Variants in ARFGAP1 observed in about 807,000 individuals in gnomAD.
The protein encoded by ARFGAP1 is ADP-ribosylation factor GTPase-activating protein 1.
In ARFGAP1, 26 loss-of-function variants were observed where a neutral mutation model predicts 54.0. The observed-to-expected ratio is 0.48, with a 90% CI of 0.35 to 0.67. The LOEUF is 0.67. Ranked by LOEUF, ARFGAP1 falls within the 30% of genes least tolerant of loss-of-function variation. ARFGAP1 has a pLI of 0.00. For missense variants in ARFGAP1, 525 were observed against 535.8 expected (o/e 0.98, Z 0.20); for synonymous variants, 248 against 211.9 (o/e 1.17, Z -1.48).
At position 63,286,533 on chromosome 20, in the gene ARFGAP1, G is replaced by A. The variant is rs1230340870; in HGVS notation, c.911+91G>A. The A allele has an allele frequency of 3.8e-6, 5 of 1,320,568 alleles. No homozygotes were observed. The Admixed American group carries it at 1.0e-4, about 27-fold the overall frequency. The allele number at this position is 1,320,568 out of a possible 1,614,324, so 81.8% of individuals were successfully genotyped here. A position where few individuals can be genotyped will look rare whatever the true frequency, so the allele number is the denominator to read the frequency against. On this transcript the variant is annotated intron_variant, in intron 12 of 12. Coordinates refer to ENST00000370283, the MANE Select transcript of ARFGAP1 (RefSeq NM_018209.4). Reference sequence around the variant, plus strand: ...TCTCCAGGAGGTGGCTGGCATCCTTGCTGGGGAGGGAAGGGGCACTGTGGA... The same window carrying A: ...TCTCCAGGAGGTGGCTGGCATCCTTACTGGGGAGGGAAGGGGCACTGTGGA...
At position 63,286,346 on chromosome 20, in the gene ARFGAP1, C is replaced by T; in HGVS notation, c.835-20C>T. ...TGCCGCGACAGGGCCTGCCTAACCTCTCTTCCCGTCTCCTTCCAGGTCCAG... is the reference window on the plus strand; with the variant it reads ...TGCCGCGACAGGGCCTGCCTAACCTTTCTTCCCGTCTCCTTCCAGGTCCAG... On this transcript the variant is annotated intron_variant, in intron 11 of 12. Coordinates refer to ENST00000370283, the MANE Select transcript of ARFGAP1 (RefSeq NM_018209.4). 2 of 1,612,758 alleles carry T rather than the reference C, an allele frequency of 1.2e-6. No homozygotes were observed. The highest frequency in any genetic ancestry group is 1.7e-6 in the Non-Finnish European group (2 of 1,179,658).
Position 63,276,936 on chromosome 20 carries a change from G to A in ARFGAP1, c.343-269G>A, listed in dbSNP as rs949488733. 2.6e-5 allele frequency among the ~76,000 whole-genome samples: 4 copies of A among 152,194 alleles called. No individual in the cohort carries two copies. The East Asian group carries it at 7.7e-4, about 29-fold the overall frequency. On this transcript the variant is annotated intron_variant, in intron 4 of 12. Coordinates refer to ENST00000370283, the MANE Select transcript of ARFGAP1 (RefSeq NM_018209.4). This position sits in a 1 kb window ranked among gnomAD's most constrained non-coding sequence, Gnocchi z 5.2. Reference sequence around the variant, plus strand: ...TGGGCACAGTGTTTCTAAGAAGTCTGGAGGCCAAATAGGTGGGTCCCCCTG... The same window carrying A: ...TGGGCACAGTGTTTCTAAGAAGTCTAGAGGCCAAATAGGTGGGTCCCCCTG...
rs749487852 is a variant in ARFGAP1, at chr20:63,276,444, G to T, written c.171-36G>T. The T allele has an allele frequency of 3.1e-6, 5 of 1,588,122 alleles. No homozygotes were observed. The highest frequency in any genetic ancestry group is 4.3e-6 in the Non-Finnish European group (5 of 1,165,152). On this transcript the variant is annotated intron_variant, in intron 3 of 12. Coordinates refer to ENST00000370283, the MANE Select transcript of ARFGAP1 (RefSeq NM_018209.4). The surrounding 1 kb of genome is among the most constrained non-coding windows in gnomAD (Gnocchi z 5.2). Reference sequence around the variant, plus strand: ...GTGGAGGGTGTCCCTGGGTGTCCCCGGTGCTGGTTGATCTGCTCGATCCTC... The same window carrying T: ...GTGGAGGGTGTCCCTGGGTGTCCCCTGTGCTGGTTGATCTGCTCGATCCTC...
At chr20:63,278,588 C>G (rs1401150312) in intron 6 of ARFGAP1, 3 of 484,532 alleles carry the variant, frequency 6.2e-6, no homozygotes, top group Non-Finnish European at 1.1e-5. Flanking sequence ...TGCGTGGAAT[C>G]TGCTGGACCT....
rs2067229541 is a variant in ARFGAP1, at chr20:63,276,102, G to A, written c.72G>A (p.Glu24=). 2 of 1,614,046 alleles carry A rather than the reference G, an allele frequency of 1.2e-6. No individual in the cohort carries two copies. The highest frequency in any genetic ancestry group is 1.7e-6 in the Non-Finnish European group (2 of 1,180,026). ...RVQDENNVCF[E]CGAFNPQWVS... is the part of the protein sequence containing the mutation. ...TGGCCCCTTTGCAGGTTTGTTTTGA[G>A]TGTGGCGCGTTCAATCCTCAGTGGG... is the stretch of plus-strand genomic sequence containing the variant. Residue 24 remains glutamate, a synonymous_variant, in exon 3 of 13, where the codon GAG becomes GAA. Transcript: ENST00000370283. This position sits in a 1 kb window ranked among gnomAD's most constrained non-coding sequence, Gnocchi z 5.2.
At chr20:63,282,577 T>TGTGC (rs2067412863) in intron 8 of ARFGAP1, among the ~76,000 whole-genome samples, 2 of 152,210 alleles carry the variant, frequency 1.3e-5, no homozygotes. Flanking sequence ...GCTGCTCACG[T>TGTGC]GTGCCCTCAC....
chr20:63,282,519 C>T (rs902123173), intron 8 of ARFGAP1, among the ~76,000 whole-genome samples: 4 of 152,262 alleles, frequency 2.6e-5, no homozygotes, highest in African/African-American at 9.6e-5. Flanking sequence ...CGGCCCTGTC[C>T]TGAAGTCTGG....
At position 63,282,857 on chromosome 20, in the gene ARFGAP1, AGAG is replaced by A. The variant is rs756204171; in HGVS notation, c.717+10_717+12del. On this transcript the variant is annotated splice_region_variant and intron_variant, in intron 9 of 12. Transcript: ENST00000370283. ...GATCCCAAGCGAGTCAGAAGGTAACAGAGGAGAAGCTTCTGCACCCTGGTGCAT... is the reference window on the plus strand; with the variant it reads ...GATCCCAAGCGAGTCAGAAGGTAACAGAGAAGCTTCTGCACCCTGGTGCAT... 6 of 1,613,930 alleles carry A rather than the reference AGAG, an allele frequency of 3.7e-6. No individual in the cohort carries two copies. Among genetic ancestry groups the A allele is most frequent in the Non-Finnish European group, 4.2e-6 (5 of 1,180,004 alleles).
chr20:63,285,964 T>C, intron 11 of ARFGAP1: 1 of 1,508,602 alleles, frequency 6.6e-7, no homozygotes, highest in Non-Finnish European at 8.9e-7. Flanking sequence ...TGCTGGCCTT[T>C]TCCTCGGTAA....
chr20:63,273,606 A>T (rs1343122215), intron 1 of ARFGAP1: 1 of 152,212 alleles, frequency 6.6e-6, no homozygotes, highest in African/African-American at 2.4e-5. Flanking sequence ...AGTTCCTCTT[A>T]AATCCAAGCC....
intron 11 of ARFGAP1, 191 bp from the exon 12 acceptor site, chr20:63,286,175 C>T (rs2067535040): frequency 6.5e-7 from 1 of 1,549,988 alleles, no homozygotes; most frequent in African/African-American, 1.4e-5. Flanking sequence ...CCATGTCCCG[C>T]ACACACCTGG....
intron 1 of ARFGAP1, among the ~76,000 whole-genome samples, chr20:63,273,778 A>G (rs1443902794): frequency 6.6e-6 from 1 of 152,160 alleles, no homozygotes; most frequent in Non-Finnish European, 1.5e-5. Flanking sequence ...GGTGCTATGG[A>G]AAGAGTACAG....
At position 63,288,836 on chromosome 20, in the gene ARFGAP1, C is replaced by A. The variant is rs1019594007; in HGVS notation, c.*963C>A. ...ACGTGTGACTCGTCTCCCTTGTCTGCCCTGTGTGACCCTCAGTCTTGGCCA... is the reference window on the plus strand; with the variant it reads ...ACGTGTGACTCGTCTCCCTTGTCTGACCTGTGTGACCCTCAGTCTTGGCCA... On this transcript the variant is annotated 3_prime_UTR_variant, in exon 13 of 13. Coordinates refer to ENST00000370283, the MANE Select transcript of ARFGAP1 (RefSeq NM_018209.4). The A allele has an allele frequency of 6.5e-6, 2 of 309,486 alleles. No homozygotes were observed. The highest frequency in any genetic ancestry group is 4.3e-5 in the African/African-American group (2 of 46,342). The allele number at this position is 309,486 out of a possible 1,614,324, so 19.2% of individuals were successfully genotyped here.
intron 8 of ARFGAP1, among the ~76,000 whole-genome samples, chr20:63,281,907 C>T (rs1002939425): frequency 2.6e-5 from 4 of 152,082 alleles, no homozygotes; most frequent in African/African-American, 4.8e-5. Flanking sequence ...AGCAGGGCAG[C>T]GCGGGGCAGC....
At chr20:63,283,484 A>G in intron 9 of ARFGAP1, 1 of 300,684 alleles carries the variant, frequency 3.3e-6, no homozygotes, top group East Asian at 7.4e-5. Context: ...TGGCTCTAGG[A>G]CGCGCCTTTG....
intron 1 of ARFGAP1, chr20:63,274,334 G>A (rs891803871): frequency 3.2e-4 from 8 of 25,048 alleles, no homozygotes; most frequent in African/African-American, 1.6e-3. Flanking sequence ...CCCCCGCCCA[G>A]TGAATATCTT....
In ARFGAP1 at chr20:63,289,386, G is replaced by T. The variant is rs995894409; in HGVS notation, c.*1513G>T. On this transcript the variant is annotated 3_prime_UTR_variant, in exon 13 of 13. Transcript: ENST00000370283. The stretch of plus-strand genomic sequence containing the variant: ...TCTCCCGAGGGCTGCTTGGACCCTG[G>T]TGGGCTGAGTGCTCCGAGGAGGGGT... 1 of 152,276 alleles carries T rather than the reference G, an allele frequency of 6.6e-6. No individual in the cohort carries two copies. Among genetic ancestry groups the T allele is most frequent in the African/African-American group, 2.4e-5 (1 of 41,446 alleles). The allele number at this position is 152,276 out of a possible 1,614,324, so 9.4% of individuals were successfully genotyped here. A position where few individuals can be genotyped will look rare whatever the true frequency, so the allele number is the denominator to read the frequency against.
intron 7 of ARFGAP1, among the ~76,000 whole-genome samples, chr20:63,280,695 A>G (rs921109472): frequency 6.6e-6 from 1 of 152,078 alleles, no homozygotes; most frequent in South Asian, 2.1e-4. Flanking sequence ...TGTGGGCTTC[A>G]TTTTTGTGGC....
At position 63,287,701 on chromosome 20, in the gene ARFGAP1, C is replaced by T. The variant is rs141575838; in HGVS notation, c.1049C>T (p.Thr350Met). 22 of 1,611,366 alleles carry T rather than the reference C, an allele frequency of 1.4e-5. No individual in the cohort carries two copies. The highest frequency in any genetic ancestry group is 1.2e-4 in the African/African-American group (9 of 74,686). The part of the protein sequence containing the change: ...TRKSPSSDSW[T>M]CADTSTERRS... Reference sequence around the variant, plus strand: ...AAGTCCCCGAGCAGCGACAGCTGGACGTGCGCGGACACCTCCACCGAGAGG... The same window carrying T: ...AAGTCCCCGAGCAGCGACAGCTGGATGTGCGCGGACACCTCCACCGAGAGG... Residue 350 changes from threonine (T) to methionine (M), a missense_variant, in exon 13 of 13, where the codon ACG becomes ATG. Transcript: ENST00000370283.
Sources: gnomAD v4.1 joint callset for allele counts (sites outside exome capture counted in the v4.1 genomes callset) on GRCh38, gnomAD v4.1.1 for gene constraint, Gnocchi (gnomAD v3.1) non-coding constraint, MANE v1.5 for transcripts, NCBI Gene and HGNC (gene_info 2026-07-23, HGNC 2026-07-21) for gene names.